Variants in COL24A1 observed in about 807,000 individuals in gnomAD.
The protein encoded by COL24A1 is collagen type XXIV alpha 1 chain, also known as collagen alpha-1(XXIV) chain.
In COL24A1, 224 loss-of-function variants were observed where a neutral mutation model predicts 253.9. The ratio of observed to expected loss-of-function variants is 0.88; its 90% CI spans 0.79 to 0.99. The LOEUF (loss-of-function observed/expected upper bound fraction) is 0.99, where lower values mean the gene tolerates loss of function less well. Among genes scored for constraint, COL24A1 ranks in the 50% least tolerant of loss-of-function variants. The pLI is 0.00. For synonymous variants in COL24A1, 685 were observed against 673.7 expected (o/e 1.02, Z -0.26); for missense variants, 2,131 against 2,068.5 (o/e 1.03, Z -0.59).
chr1:85,841,582 T>C (rs571827362), intron 41 of COL24A1, among the ~76,000 whole-genome samples: 25 of 152,200 alleles, frequency 1.6e-4, no homozygotes, highest in African/African-American at 5.5e-4. Context: ...TCCTAAATCA[T>C]CAAAAAATTT....
chr1:86,146,787 T>C (rs1651946445), intron 1 of COL24A1, among the ~76,000 whole-genome samples: 1 of 152,040 alleles, frequency 6.6e-6, no homozygotes, highest in Admixed American at 6.6e-5. Flanking sequence ...GCATTTTGAT[T>C]AGTAGTAGCT....
At chr1:85,830,278 G>A (rs372790199) in intron 43 of COL24A1, among the ~76,000 whole-genome samples, 30 of 152,014 alleles carry the variant, frequency 2.0e-4, no homozygotes, top group South Asian at 1.9e-3. Flanking sequence ...CAGTCTGCCC[G>A]TTCTCAGATC....
intron 18 of COL24A1, among the ~76,000 whole-genome samples, chr1:86,021,847 A>G (rs935651138): frequency 6.6e-6 from 1 of 152,182 alleles, no homozygotes; most frequent in Admixed American, 6.5e-5. Context: ...GGTCCACAAG[A>G]GAGTGCAAAC....
chr1:85,780,356 T>C (rs963610864), intron 52 of COL24A1, among the ~76,000 whole-genome samples: 2 of 152,088 alleles, frequency 1.3e-5, no homozygotes, highest in African/African-American at 2.4e-5. Context: ...GAATCTTTCC[T>C]CTCTAAGTCT....
intron 42 of COL24A1, among the ~76,000 whole-genome samples, chr1:85,839,963 G>A (rs1251760142): frequency 6.6e-6 from 1 of 152,070 alleles, no homozygotes; most frequent in African/African-American, 2.4e-5. Context: ...AAATTAGTTG[G>A]AAAAGCATAG....
intron 32 of COL24A1, among the ~76,000 whole-genome samples, chr1:85,888,646 G>A (rs927658449): frequency 2.6e-5 from 4 of 151,986 alleles, no homozygotes; most frequent in African/African-American, 9.7e-5. Flanking sequence ...GAAGGATTTA[G>A]CTTAAAAAAT....
intron 12 of COL24A1, among the ~76,000 whole-genome samples, chr1:86,042,304 T>C (rs928014720): frequency 6.6e-6 from 1 of 152,170 alleles, no homozygotes; most frequent in African/African-American, 2.4e-5. Context: ...TAAATAATCT[T>C]TGGTTCTAAA....
chr1:85,870,164 G>C (rs1680289505), intron 35 of COL24A1, among the ~76,000 whole-genome samples: 1 of 152,154 alleles, frequency 6.6e-6, no homozygotes, highest in South Asian at 2.1e-4. Context: ...AAATATACAT[G>C]CACCCAATAC....
At position 85,908,615 on chromosome 1, in the gene COL24A1, C is replaced by A. The variant is rs769750412; in HGVS notation, c.2707G>T (p.Gly903Cys). The A allele has an allele frequency of 1.3e-6, 2 of 1,483,044 alleles. No homozygotes were observed. Among genetic ancestry groups the A allele is most frequent in the South Asian group, 1.4e-5 (1 of 71,186 alleles). The allele number at this position is 1,483,044 out of a possible 1,614,324, so 91.9% of individuals were successfully genotyped here. A position where few individuals can be genotyped will look rare whatever the true frequency, so the allele number is the denominator to read the frequency against. Residue 903 changes from glycine to cysteine, a missense_variant, in exon 27 of 60, where the codon GGT (glycine) becomes TGT (cysteine). By Grantham distance (159) the Gly-to-Cys change is radical. Transcript: ENST00000370571. ...PGPPGVPGPI[G>C]PLGLPGHVGA... ...GTACTTACAGGTAATCCCAATGGAC[C>A]GATAGGTCCTGGAACCCCAGGAGGA...
At chr1:85,991,790 G>A (rs1694301399) in intron 19 of COL24A1, among the ~76,000 whole-genome samples, 1 of 152,022 alleles carries the variant, frequency 6.6e-6, no homozygotes, top group South Asian at 2.1e-4. Context: ...TCATAGTATA[G>A]TCATACAAGC....
chr1:85,732,825 C>T (rs1663641703), intron 59 of COL24A1, among the ~76,000 whole-genome samples: 1 of 152,110 alleles, frequency 6.6e-6, no homozygotes. Context: ...TGCATGGTCA[C>T]TTAACATATA....
intron 43 of COL24A1, among the ~76,000 whole-genome samples, chr1:85,830,660 A>G (rs1675120396): frequency 6.6e-6 from 1 of 152,140 alleles, no homozygotes; most frequent in African/African-American, 2.4e-5. Context: ...AAAGCGCAGT[A>G]TTCGGGTCAG....
intron 19 of COL24A1, among the ~76,000 whole-genome samples, chr1:85,990,850 C>T (rs1312662235): frequency 1.3e-5 from 2 of 152,144 alleles, no homozygotes; most frequent in African/African-American, 4.8e-5. Context: ...AAAGGAGGCT[C>T]ACTCATTATC....
Position 85,771,466 on chromosome 1 carries a change from G to A in COL24A1, c.4374+4208C>T, listed in dbSNP as rs544919284. ...TTATGGCTGCATAGTATTCGATGGTGTATATGTGCCACATTTTCTTAATCC... is the reference window on the plus strand; with the variant it reads ...TTATGGCTGCATAGTATTCGATGGTATATATGTGCCACATTTTCTTAATCC... On this transcript the variant is annotated intron_variant, in intron 53 of 59. Transcript: ENST00000370571. Among the ~76,000 whole-genome samples the A allele has an allele frequency of 6.6e-5, 10 of 152,258 alleles. No homozygotes were observed. In the South Asian group the frequency reaches 2.1e-3, roughly 32 times the overall value.
intron 10 of COL24A1, among the ~76,000 whole-genome samples, chr1:86,050,906 C>T (rs952788246): frequency 1.3e-5 from 2 of 151,986 alleles, no homozygotes; most frequent in Admixed American, 6.6e-5. Context: ...ATCAATTTTA[C>T]AGATAAAGTG....
chr1:86,061,496 T>C (rs1246875703), intron 8 of COL24A1, among the ~76,000 whole-genome samples: 2 of 152,108 alleles, frequency 1.3e-5, no homozygotes, highest in Admixed American at 6.5e-5. Context: ...AGTGAAATCC[T>C]ATTTCGAATG....
intron 7 of COL24A1, among the ~76,000 whole-genome samples, chr1:86,083,246 C>A (rs576578043): frequency 6.2e-4 from 94 of 151,656 alleles, no homozygotes; most frequent in Admixed American, 2.2e-3. Flanking sequence ...TGCAGTGAGC[C>A]GAGATTGCAC....
chr1:86,041,557 A>G (rs1194757225), intron 12 of COL24A1, among the ~76,000 whole-genome samples: 1 of 152,148 alleles, frequency 6.6e-6, no homozygotes, highest in Admixed American at 6.6e-5. Flanking sequence ...TACAAAATAA[A>G]CTTTGGAAAC....
rs116041828 is a variant in COL24A1 at position 85,955,094 on chromosome 1, C to T, written c.2562+6155G>A. ...CTCCCCATCCTGTGCCGCTATAAGCCGGATACAGACACAGACACAAATGGG... is the reference window on the plus strand; with the variant it reads ...CTCCCCATCCTGTGCCGCTATAAGCTGGATACAGACACAGACACAAATGGG... On this transcript the variant is annotated intron_variant, in intron 24 of 59. Transcript: ENST00000370571. Among the ~76,000 whole-genome samples, 485 of 152,214 alleles carry T rather than the reference C, an allele frequency of 3.2e-3. 3 individuals are homozygous for T. The highest frequency in any genetic ancestry group is 0.011 in the African/African-American group (457 of 41,508).
Sources: allele counts gnomAD v4.1 joint callset (sites outside exome capture counted in the v4.1 genomes callset), GRCh38; gene constraint gnomAD v4.1.1; transcripts MANE v1.5; gene names NCBI Gene and HGNC (gene_info 2026-07-23, HGNC 2026-07-21).